The following GRIK4 variants were observed in gnomAD, a reference collection of about 807,000 sequenced individuals.
The protein encoded by GRIK4 is glutamate receptor ionotropic, kainate 4.
In GRIK4, 40 loss-of-function variants were observed where a neutral mutation model predicts 104.9. The observed-to-expected ratio is 0.38, with a 90% CI of 0.30 to 0.50. GRIK4 has a LOEUF of 0.50. GRIK4 is among the 20% of genes least tolerant of loss of function. The pLI, the probability that GRIK4 is intolerant of heterozygous loss-of-function variation, is 0.93. For missense variants in GRIK4, 1,047 were observed against 1,308.1 expected (o/e 0.80, Z 3.08); for synonymous variants, 485 against 524.9 (o/e 0.92, Z 1.04).
chr11:120,756,457 A>T (rs555157887), intron 3 of GRIK4, among the ~76,000 whole-genome samples: 18 of 152,274 alleles, frequency 1.2e-4, no homozygotes, highest in African/African-American at 4.1e-4. Context: ...CTGCCTTAAA[A>T]GCCTAGTATC....
chr11:120,754,696 C>T (rs1425326874), intron 3 of GRIK4, among the ~76,000 whole-genome samples: 3 of 152,198 alleles, frequency 2.0e-5, no homozygotes. Flanking sequence ...CCCCGTTTTA[C>T]ATTCCCACCA....
At chr11:120,634,327 T>C in intron 1 of GRIK4, among the ~76,000 whole-genome samples, 1 of 152,148 alleles carries the variant, frequency 6.6e-6, no homozygotes, top group East Asian at 1.9e-4. Context: ...GGGCTATGCC[T>C]GAAGTTCTGC....
At chr11:120,733,680 C>T (rs545066500) in intron 3 of GRIK4, among the ~76,000 whole-genome samples, 1 of 151,878 alleles carries the variant, frequency 6.6e-6, no homozygotes, top group Admixed American at 6.6e-5. Context: ...TTGTACTATG[C>T]CTTAAAAGTT....
intron 1 of GRIK4, among the ~76,000 whole-genome samples, chr11:120,567,425 C>T (rs1240565068): frequency 1.3e-5 from 2 of 152,132 alleles, no homozygotes; most frequent in African/African-American, 4.8e-5. Context: ...TCCCAAAGTG[C>T]TGGGATTACA....
intron 1 of GRIK4, among the ~76,000 whole-genome samples, chr11:120,519,076 G>A (rs1947764564): frequency 6.6e-6 from 1 of 152,228 alleles, no homozygotes; most frequent in African/African-American, 2.4e-5. Flanking sequence ...AGGCACTAGA[G>A]CATGGGCTCT....
intron 1 of GRIK4, among the ~76,000 whole-genome samples, chr11:120,639,376 G>A (rs985546804): frequency 5.3e-5 from 8 of 152,088 alleles, no homozygotes; most frequent in Non-Finnish European, 1.0e-4. Context: ...GAGAATCCCC[G>A]GGGCCTGCTT....
chr11:120,517,639 A>G (rs1037918454), intron 1 of GRIK4, among the ~76,000 whole-genome samples: 6 of 128,734 alleles, frequency 4.7e-5, no homozygotes, highest in African/African-American at 6.7e-5. Context: ...GGAAGGGGAC[A>G]GCTGGGAAAT....
chr11:120,773,094 A>G (rs536641563), intron 3 of GRIK4, among the ~76,000 whole-genome samples: 5 of 152,358 alleles, frequency 3.3e-5, no homozygotes, highest in Admixed American at 6.5e-5. Context: ...TTTAATCATC[A>G]TAACAGTAGA....
rs1393896611 is a variant in GRIK4, at chr11:120,660,324, C to T, written c.6C>T (p.Pro2=). 6.2e-7 allele frequency: 1 copy of T among 1,612,716 alleles called. No homozygotes were observed. Among genetic ancestry groups the T allele is most frequent in the Non-Finnish European group, 8.5e-7 (1 of 1,179,322 alleles). ...TCCATGAGGATTCATAGAAGATGCC[C>T]CGCGTCTCGGCGCCTTTGGTGCTGC... M[P]RVSAPLVLLP... is the part of the protein sequence containing the mutation. The change falls in exon 3 of 21, where the codon CCC becomes CCT. Residue 2 remains proline, a synonymous_variant. Coordinates refer to ENST00000527524, the MANE Select transcript of GRIK4 (RefSeq NM_014619.5).
intron 6 of GRIK4, among the ~76,000 whole-genome samples, 198 bp downstream of exon 6, chr11:120,820,118 T>TAAGAGAGAAAGAGAAA (rs920615707): frequency 6.9e-6 from 1 of 143,956 alleles, no homozygotes; most frequent in Admixed American, 6.8e-5. Context: ...TGTGTGTGTT[T>TAAGAGAGAAAGAGAAA]AAGAGAGAAA....
At position 120,962,516 on chromosome 11, in the gene GRIK4, G is replaced by A. The variant is rs983325753; in HGVS notation, c.2101G>A (p.Val701Met). ...TTACATGTATTCCAAGCAGCCCAGC[G>A]TGTTCGTGAAGAGCACAGAGGAGGG... Reference protein sequence around the residue: ...WNYMYSKQPSVFVKSTEEGIA... With the variant: ...WNYMYSKQPSMFVKSTEEGIA... The change falls in exon 18 of 21, where the codon GTG (valine) becomes ATG (methionine). Residue 701 changes from valine (V) to methionine (M), a missense_variant. This residue lies in a region of GRIK4 where 440 missense variants were observed against 652.3 expected (regional missense o/e 0.67). Coordinates refer to ENST00000527524, the MANE Select transcript of GRIK4 (RefSeq NM_014619.5). 11 of 1,613,990 alleles carry A rather than the reference G, an allele frequency of 6.8e-6. No individual in the cohort carries two copies. Among genetic ancestry groups the A allele is most frequent in the Middle Eastern group, 1.6e-4 (1 of 6,084 alleles).
intron 6 of GRIK4, among the ~76,000 whole-genome samples, chr11:120,823,942 G>A (rs1394173522): frequency 6.6e-6 from 1 of 152,184 alleles, no homozygotes; most frequent in East Asian, 1.9e-4. Flanking sequence ...GGGCACAGAG[G>A]ATTAAAAATC....
At chr11:120,948,947 C>T (rs1006048448) in intron 14 of GRIK4, among the ~76,000 whole-genome samples, 4 of 152,160 alleles carry the variant, frequency 2.6e-5, no homozygotes, top group Non-Finnish European at 4.4e-5. Context: ...CCCAGGATTG[C>T]ATGTCTTGTA....
At chr11:120,885,426 C>T (rs186896140) in intron 11 of GRIK4, among the ~76,000 whole-genome samples, 1 of 151,330 alleles carries the variant, frequency 6.6e-6, no homozygotes, top group African/African-American at 2.4e-5. Context: ...ACTCTTATTG[C>T]CCAGGCTGGA....
At chr11:120,754,078 C>A (rs1218721792) in intron 3 of GRIK4, among the ~76,000 whole-genome samples, 5 of 152,124 alleles carry the variant, frequency 3.3e-5, no homozygotes, top group African/African-American at 1.2e-4. Context: ...GTCACTCAGG[C>A]TGGAATGCAG....
intron 1 of GRIK4, among the ~76,000 whole-genome samples, chr11:120,593,527 G>T (rs971583799): frequency 6.6e-6 from 1 of 151,776 alleles, no homozygotes; most frequent in Non-Finnish European, 1.5e-5. Context: ...TGTCTTTCTC[G>T]TATCCCTTTC....
At chr11:120,544,828 T>C (rs967280574) in intron 1 of GRIK4, among the ~76,000 whole-genome samples, 3 of 152,078 alleles carry the variant, frequency 2.0e-5, no homozygotes, top group African/African-American at 7.2e-5. Flanking sequence ...CAGAGATTCT[T>C]CAGTGGATTC....
At chr11:120,622,933 T>G (rs1949207922) in intron 1 of GRIK4, among the ~76,000 whole-genome samples, 1 of 152,216 alleles carries the variant, frequency 6.6e-6, no homozygotes, top group African/African-American at 2.4e-5. Context: ...TCCTTTGACT[T>G]AATCACATCT....
chr11:120,614,870 G>A (rs1949088153), intron 1 of GRIK4, among the ~76,000 whole-genome samples: 1 of 152,148 alleles, frequency 6.6e-6, no homozygotes, highest in African/African-American at 2.4e-5. Flanking sequence ...GTGGTGGCGG[G>A]CGCTTGTAGT....
Sources: gnomAD v4.1 joint callset for allele counts (sites outside exome capture counted in the v4.1 genomes callset) on GRCh38, gnomAD v4.1.1 for gene constraint, gnomAD v4.1.1 regional missense constraint, MANE v1.5 for transcripts, NCBI Gene and HGNC (gene_info 2026-07-23, HGNC 2026-07-21) for gene names.